Variants in ZC3H12B observed in about 807,000 individuals in gnomAD.
The protein encoded by ZC3H12B is probable ribonuclease ZC3H12B.
ZC3H12B carries 7 observed loss-of-function variants against 43.9 expected under a neutral mutation model. The observed-to-expected ratio is 0.16, with a 90% CI of 0.09 to 0.30. The LOEUF (loss-of-function observed/expected upper bound fraction) is 0.30. ZC3H12B is among the 10% of genes least tolerant of loss of function. The pLI, the probability that ZC3H12B is intolerant of heterozygous loss-of-function variation, is 1.00. For missense variants in ZC3H12B, 475 were observed against 670.2 expected, an observed-to-expected ratio of 0.71 and a Z score of 3.22; for synonymous variants, 222 against 241.7, an observed-to-expected ratio of 0.92 and a Z score of 0.76.
At chrX:65,080,445 G>A in the ZC3H12B span, among the ~76,000 whole-genome samples, 314 of 110,656 alleles carry the variant, frequency 2.8e-3, 3 homozygotes, top group African/African-American at 9.9e-3. Flanking sequence ...TCAAACTCCC[G>A]AAGGTCAAGG....
the ZC3H12B span, among the ~76,000 whole-genome samples, chrX:65,157,927 C>A: frequency 1.4e-5 from 1 of 71,772 alleles, no homozygotes; most frequent in South Asian, 1.5e-3. Flanking sequence ...CCCCCCTCCC[C>A]CCACCCCACA....
At chrX:65,359,023 C>T in the ZC3H12B span, among the ~76,000 whole-genome samples, 11 of 111,218 alleles carry the variant, frequency 9.9e-5, no homozygotes, top group African/African-American at 3.6e-4. Flanking sequence ...TTTTAGTGCC[C>T]TTAAGAGTTA....
chrX:65,239,394 C>A, the ZC3H12B span, among the ~76,000 whole-genome samples: 6 of 110,055 alleles, frequency 5.5e-5, no homozygotes, highest in Non-Finnish European at 1.1e-4. Flanking sequence ...GATTGCAACA[C>A]CTGCTCTTTT....
upstream of ZC3H12B, among the ~76,000 whole-genome samples, chrX:65,365,261 C>A (rs1196056585): frequency 2.7e-5 from 3 of 111,295 alleles, no homozygotes; most frequent in African/African-American, 9.8e-5. Flanking sequence ...ACTCACCAAC[C>A]AAGCAAGTAA....
chrX:65,129,823 G>A, the ZC3H12B span, among the ~76,000 whole-genome samples: 2 of 111,063 alleles, frequency 1.8e-5, no homozygotes, highest in African/African-American at 3.3e-5. Context: ...GGGATTAGGG[G>A]CGGCATGGGA....
the ZC3H12B span, among the ~76,000 whole-genome samples, chrX:65,207,131 A>T: frequency 9.1e-6 from 1 of 109,605 alleles, no homozygotes; most frequent in East Asian, 2.9e-4. Context: ...TAGAACTATC[A>T]TTTGATCCAG....
At chrX:65,257,369 C>A in the ZC3H12B span, among the ~76,000 whole-genome samples, 102 of 111,071 alleles carry the variant, frequency 9.2e-4, 1 homozygote, top group Non-Finnish European at 1.4e-3. Flanking sequence ...AACCAAACAC[C>A]GCATGTTCTC....
the ZC3H12B span, among the ~76,000 whole-genome samples, chrX:65,082,416 A>C: frequency 8.9e-6 from 1 of 111,959 alleles, no homozygotes; most frequent in Admixed American, 9.5e-5. Context: ...TAAAATTAGA[A>C]GTGAAAAAGC....
the ZC3H12B span, among the ~76,000 whole-genome samples, chrX:65,236,054 A>G: frequency 2.7e-5 from 3 of 111,848 alleles, no homozygotes; most frequent in African/African-American, 9.7e-5. Flanking sequence ...ATGCCTGCTG[A>G]TTGGTTTATG....
chrX:65,366,280 G>A (rs747086758), upstream of ZC3H12B, among the ~76,000 whole-genome samples: 57 of 111,347 alleles, frequency 5.1e-4, no homozygotes, highest in African/African-American at 1.1e-3. Flanking sequence ...AGTGGTGGAA[G>A]TAGGCTTATT....
chrX:65,089,907 C>A, the ZC3H12B span, among the ~76,000 whole-genome samples: 2 of 111,580 alleles, frequency 1.8e-5, no homozygotes, highest in African/African-American at 3.3e-5. Flanking sequence ...TCAGGGACAA[C>A]AACACACATG....
chrX:65,386,547 T>C (rs1194319200), intron 2 of ZC3H12B, among the ~76,000 whole-genome samples: 1 of 111,600 alleles, frequency 9.0e-6, no homozygotes, highest in African/African-American at 3.3e-5. Flanking sequence ...TTTCTTCTTT[T>C]TTAGTCTTGC....
the ZC3H12B span, among the ~76,000 whole-genome samples, chrX:65,251,643 A>G: frequency 1.2e-4 from 13 of 111,304 alleles, no homozygotes; most frequent in East Asian, 2.8e-4. Flanking sequence ...TCTCCTTGAA[A>G]AGGTCCTTCA....
intron 3 of ZC3H12B, among the ~76,000 whole-genome samples, chrX:65,461,289 G>A (rs1026436637): frequency 1.8e-5 from 2 of 112,039 alleles, no homozygotes; most frequent in Non-Finnish European, 3.8e-5. Context: ...GTGGAAGTCA[G>A]TGTGGCGATT....
At chrX:65,230,825 C>T in the ZC3H12B span, among the ~76,000 whole-genome samples, 14 of 111,208 alleles carry the variant, frequency 1.3e-4, no homozygotes, top group Non-Finnish European at 2.1e-4. Flanking sequence ...TAATGAACAT[C>T]AAAAATTTTT....
At chrX:65,373,019 T>A (rs2066269264) in intron 2 of ZC3H12B, among the ~76,000 whole-genome samples, 1 of 112,010 alleles carries the variant, frequency 8.9e-6, no homozygotes, top group Non-Finnish European at 1.9e-5. Flanking sequence ...ATAGTTCCTA[T>A]GGTGGGCCTT....
At chrX:65,180,881 C>T in the ZC3H12B span, among the ~76,000 whole-genome samples, 5 of 111,516 alleles carry the variant, frequency 4.5e-5, no homozygotes, top group South Asian at 3.7e-4. Flanking sequence ...TGACTTTCTT[C>T]ACAGAATTAC....
chrX:65,451,759 C>A (rs1417885438), intron 3 of ZC3H12B, among the ~76,000 whole-genome samples: 1 of 111,986 alleles, frequency 8.9e-6, no homozygotes, highest in Non-Finnish European at 1.9e-5. Flanking sequence ...GGGCTTCTCA[C>A]ATTTTTAGAA....
At chrX:65,136,505 C>T in the ZC3H12B span, among the ~76,000 whole-genome samples, 2 of 111,142 alleles carry the variant, frequency 1.8e-5, no homozygotes, top group African/African-American at 6.5e-5. Flanking sequence ...TCAATTTTTG[C>T]TTGCATGGTT....
Sources: gnomAD v4.1 joint callset for allele counts (sites outside exome capture counted in the v4.1 genomes callset) on GRCh38, gnomAD v4.1.1 for gene constraint, MANE v1.5 for transcripts, NCBI Gene and HGNC (gene_info 2026-07-23, HGNC 2026-07-21) for gene names.